The following MYLK variants were observed in gnomAD, a reference collection of about 807,000 sequenced individuals.
MYLK encodes the protein myosin light chain kinase, smooth muscle.
In MYLK, 106 loss-of-function variants were observed where a neutral mutation model predicts 203.4. That is an observed-to-expected ratio of 0.52 (90% CI 0.45 to 0.61). The LOEUF is 0.61. MYLK is among the 20% of genes least tolerant of loss of function. The pLI is 0.00. For missense variants in MYLK, 2,072 were observed against 2,442.3 expected (o/e 0.85, Z 3.20); for synonymous variants, 867 against 959.5 (o/e 0.90, Z 1.78).
chr3:123,808,175 G>T (rs1387421553), intron 3 of MYLK, among the ~76,000 whole-genome samples: 1 of 152,144 alleles, frequency 6.6e-6, no homozygotes, highest in Non-Finnish European at 1.5e-5. Context: ...CCCTGTTTCT[G>T]CTAGTTCCAC....
chr3:123,711,011 A>G (rs1444993686), intron 13 of MYLK, among the ~76,000 whole-genome samples: 1 of 152,070 alleles, frequency 6.6e-6, no homozygotes, highest in Non-Finnish European at 1.5e-5. Flanking sequence ...GGATCACTTG[A>G]GCCTGGGAGG....
rs758161864 is a variant in MYLK at position 123,664,180 on chromosome 3, G to T, written c.3910C>A (p.His1304Asn). The T allele has an allele frequency of 1.2e-6, 2 of 1,614,058 alleles. No individual in the cohort carries two copies. The highest frequency in any genetic ancestry group is 2.2e-5 in the South Asian group (2 of 91,088). The change falls in exon 23 of 34, where the codon CAC becomes AAC. Residue 1304 changes from histidine (H) to asparagine (N), a missense_variant. By Grantham distance (68) the His-to-Asn change is moderately conservative. Coordinates refer to ENST00000360304, the MANE Select transcript of MYLK (RefSeq NM_053025.4). The stretch of plus-strand genomic sequence containing the variant: ...ACCAGCAGTGTGTAGCAGCCGCAGT[G>T]CTCCTGGCGCGCGGCCAGGATGGTG... ...KLTILAARQEHCGCYTLLVEN... is the reference protein window; with the variant it reads ...KLTILAARQENCGCYTLLVEN...
chr3:123,820,416 G>A (rs2065882405), intron 3 of MYLK, among the ~76,000 whole-genome samples: 1 of 152,168 alleles, frequency 6.6e-6, no homozygotes, highest in African/African-American at 2.4e-5. Flanking sequence ...CAGCTAAGTG[G>A]AAAGCTGGTA....
intron 20 of MYLK, among the ~76,000 whole-genome samples, chr3:123,672,279 C>T (rs113815635): frequency 1.1e-4 from 17 of 151,142 alleles, no homozygotes; most frequent in African/African-American, 2.7e-4. Context: ...GGGAGGAGAG[C>T]GAGAGAGACC....
At position 123,832,161 on chromosome 3, in the gene MYLK, C is replaced by T. The variant is rs578051866; in HGVS notation, c.-126-491G>A. ...ACCAACACACTGGGAAAGCACTGTG[C>T]TTCTAGAGGAGTGTCTCTCCTACCT... On this transcript the variant is annotated intron_variant, in intron 2 of 33. Coordinates refer to ENST00000360304, the MANE Select transcript of MYLK (RefSeq NM_053025.4). 4.8e-3 allele frequency among the ~76,000 whole-genome samples: 732 copies of T among 152,306 alleles called. 1 individual carries two copies. Among genetic ancestry groups the T allele is most frequent in the Non-Finnish European group, 7.3e-3 (496 of 68,022 alleles).
At position 123,677,884 on chromosome 3, in the gene MYLK, AATATATAT is replaced by A. The variant is rs3085284; in HGVS notation, c.3652+4332_3652+4339del. Among the ~76,000 whole-genome samples, 238 of 53,584 alleles carry A rather than the reference AATATATAT, an allele frequency of 4.4e-3. 10 individuals are homozygous for A. The highest frequency in any genetic ancestry group is 0.012 in the South Asian group (14 of 1,126). 35.2% of individuals were successfully genotyped at this position (53,584 alleles called of 152,430 possible). On this transcript the variant is annotated intron_variant, in intron 20 of 33. Transcript: ENST00000360304. ...CTCTATCTAAATGAATAAATAAATG[AATATATAT>A]ATATATATATATATATATATATATA...
intron 18 of MYLK, chr3:123,698,740 G>A (rs2626026): frequency 0.54 from 88,698 of 164,364 alleles, 29,661 homozygotes; most frequent in Non-Finnish European, 0.76. Context: ...CTCTTTCAGC[G>A]CTGAGATTCA....
In MYLK at chr3:123,752,545, GA is replaced by G. The variant is rs749786735; in HGVS notation, c.166-8del. On this transcript the variant is annotated splice_region_variant and splice_polypyrimidine_tract_variant and intron_variant, in intron 4 of 33. Coordinates refer to ENST00000360304, the MANE Select transcript of MYLK (RefSeq NM_053025.4). ...GCTCTGGGTAACCCCGGACCTTCAA[GA>G]AAAAGAAGAAAGGGTAAGAGCCTGT... The G allele has an allele frequency of 7.5e-6, 12 of 1,609,158 alleles. No homozygotes were observed. The highest frequency in any genetic ancestry group is 1.7e-5 in the Admixed American group (1 of 59,468).
At chr3:123,802,643 C>T (rs1174217003) in intron 3 of MYLK, among the ~76,000 whole-genome samples, 1 of 152,232 alleles carries the variant, frequency 6.6e-6, no homozygotes, top group Non-Finnish European at 1.5e-5. Flanking sequence ...CACACCTAAC[C>T]TCACGCACAG....
intron 22 of MYLK, 47 bp downstream of exon 22, chr3:123,666,172 C>G: frequency 2.5e-6 from 4 of 1,614,074 alleles, no homozygotes; most frequent in African/African-American, 1.3e-5. Flanking sequence ...AAAGGCTGTA[C>G]GGATTATTCC....
chr3:123,813,485 C>T (rs1352654854), intron 3 of MYLK, among the ~76,000 whole-genome samples: 1 of 151,520 alleles, frequency 6.6e-6, no homozygotes, highest in Non-Finnish European at 1.5e-5. Context: ...ACCTCTGCGT[C>T]AGGGAATCTT....
intron 20 of MYLK, among the ~76,000 whole-genome samples, chr3:123,673,392 CG>C (rs1375122317): frequency 1.3e-5 from 2 of 151,924 alleles, no homozygotes. Context: ...GGATTACAGA[CG>C]TGAGCCACCA....
chr3:123,764,671 C>T (rs1407766473), intron 4 of MYLK, among the ~76,000 whole-genome samples: 3 of 152,218 alleles, frequency 2.0e-5, no homozygotes, highest in African/African-American at 7.2e-5. Flanking sequence ...CAGCTTTGGC[C>T]TCTCCACGGA....
chr3:123,663,980 A>G, intron 23 of MYLK, 125 bp downstream of exon 23: 2 of 1,401,928 alleles, frequency 1.4e-6, no homozygotes, highest in East Asian at 2.3e-5. Flanking sequence ...GTGGTGCCTT[A>G]TAAATCAGGC....
chr3:123,625,928 C>T (rs1284215537), intron 31 of MYLK, among the ~76,000 whole-genome samples: 2 of 152,062 alleles, frequency 1.3e-5, no homozygotes, highest in African/African-American at 4.8e-5. Context: ...CCACCCATGC[C>T]TTTTATCAGA....
chr3:123,618,501 C>T (rs1422646881), intron 33 of MYLK, 138 bp downstream of exon 33: 2 of 1,202,282 alleles, frequency 1.7e-6, no homozygotes, highest in Non-Finnish European at 2.4e-6. Flanking sequence ...TCCTGCTGAC[C>T]CAGTTTCCCC....
intron 3 of MYLK, among the ~76,000 whole-genome samples, chr3:123,805,139 A>C (rs1227583872): frequency 6.6e-6 from 1 of 152,066 alleles, no homozygotes; most frequent in Non-Finnish European, 1.5e-5. Context: ...TCCATTACTG[A>C]AAGGCCTGGG....
chr3:123,827,163 G>C (rs1392231018), intron 3 of MYLK, among the ~76,000 whole-genome samples: 3 of 152,128 alleles, frequency 2.0e-5, no homozygotes, highest in African/African-American at 7.2e-5. Context: ...GAAAATAATT[G>C]AAGATTTGAA....
intron 2 of MYLK, among the ~76,000 whole-genome samples, chr3:123,837,049 A>T (rs933601812): frequency 5.9e-5 from 9 of 151,934 alleles, no homozygotes; most frequent in African/African-American, 1.9e-4. Context: ...ATTTCTTTTT[A>T]TTTTTTTGAG....
Sources: gnomAD v4.1 joint callset for allele counts (sites outside exome capture counted in the v4.1 genomes callset) on GRCh38, gnomAD v4.1.1 for gene constraint, MANE v1.5 for transcripts, NCBI Gene and HGNC (gene_info 2026-07-23, HGNC 2026-07-21) for gene names.